OPCML: variants seen among roughly 807,000 people sequenced by gnomAD.
OPCML encodes opioid-binding protein/cell adhesion molecule.
A neutral mutation model predicts 37.8 loss-of-function variants in OPCML; 13 were observed. The ratio of observed to expected loss-of-function variants is 0.34; its 90% confidence interval spans 0.22 to 0.55. OPCML has a LOEUF of 0.55. OPCML is among the 20% of genes least tolerant of loss of function. OPCML has a pLI of 0.91. For missense variants in OPCML, 341 were observed against 435.6 expected (o/e 0.78, Z 1.93); for synonymous variants, 176 against 168.8 (o/e 1.04, Z -0.33).
At chr11:132,860,341 A>G (rs1414402844) in intron 2 of OPCML, 2 of 152,186 alleles carry the variant, frequency 1.3e-5, no homozygotes, top group Non-Finnish European at 2.9e-5. Context: ...GAGTTATACT[A>G]TGTGCCCACT....
At chr11:133,356,494 G>A (rs1944293802) in intron 1 of OPCML, among the ~76,000 whole-genome samples, 1 of 152,184 alleles carries the variant, frequency 6.6e-6, no homozygotes, top group African/African-American at 2.4e-5. Context: ...AGGAGCCAGA[G>A]GGTTGTCAGG....
At chr11:132,953,912 G>C (rs1175710078) in intron 1 of OPCML, among the ~76,000 whole-genome samples, 2 of 152,202 alleles carry the variant, frequency 1.3e-5, no homozygotes, top group Non-Finnish European at 2.9e-5. Context: ...TTGGCATATA[G>C]GTGGTACTCC....
At chr11:133,448,853 C>T (rs1946525129) in intron 1 of OPCML, among the ~76,000 whole-genome samples, 1 of 152,186 alleles carries the variant, frequency 6.6e-6, no homozygotes, top group South Asian at 2.1e-4. Context: ...ATTTTGTATA[C>T]ACAATTCACA....
intron 1 of OPCML, among the ~76,000 whole-genome samples, chr11:133,183,577 A>G (rs1044985896): frequency 1.3e-5 from 2 of 152,138 alleles, no homozygotes; most frequent in Non-Finnish European, 2.9e-5. Flanking sequence ...TCTTCCACTC[A>G]TTTATTAAGG....
intron 1 of OPCML, among the ~76,000 whole-genome samples, chr11:133,388,551 T>C (rs74375509): frequency 0.026 from 3,922 of 152,266 alleles, 162 homozygotes; most frequent in African/African-American, 0.087. Flanking sequence ...GGTGTAACAC[T>C]TCAGCTTAAT....
At chr11:132,704,717 A>G (rs1943963003) in intron 2 of OPCML, among the ~76,000 whole-genome samples, 1 of 152,250 alleles carries the variant, frequency 6.6e-6, no homozygotes, top group Non-Finnish European at 1.5e-5. Flanking sequence ...AAAACAATTC[A>G]TATCATCTAG....
chr11:133,048,306 G>C (rs543963454), intron 1 of OPCML, among the ~76,000 whole-genome samples: 1 of 151,946 alleles, frequency 6.6e-6, no homozygotes, highest in Non-Finnish European at 1.5e-5. Context: ...TAACTCAATC[G>C]ACAAATAGTA....
chr11:133,417,742 A>G (rs1437397289), intron 1 of OPCML, among the ~76,000 whole-genome samples: 1 of 151,022 alleles, frequency 6.6e-6, no homozygotes, highest in Admixed American at 6.6e-5. Context: ...TACCCTTGTT[A>G]CTAGGAAATT....
rs577737010 is a variant in OPCML, at chr11:133,395,702, G to A, written c.61+136562C>T. ...AAAAATGAGTTCATTGTAGGTAGAT[G>A]AATCTGTTTCTGGGTTCTTTATTCT... is the stretch of plus-strand genomic sequence containing the variant. On this transcript the variant is annotated intron_variant, in intron 1 of 7. Transcript: ENST00000524381. 5.3e-5 allele frequency among the ~76,000 whole-genome samples: 8 copies of A among 152,288 alleles called. No homozygotes were observed. The South Asian group carries it at 1.7e-3, about 32-fold the overall frequency.
chr11:132,789,213 C>A (rs922015148), intron 2 of OPCML, among the ~76,000 whole-genome samples: 3 of 152,178 alleles, frequency 2.0e-5, no homozygotes, highest in African/African-American at 7.2e-5. Context: ...CACATAATGT[C>A]TGTGTATGTA....
At chr11:133,257,904 C>T (rs988231180) in intron 1 of OPCML, among the ~76,000 whole-genome samples, 1 of 151,546 alleles carries the variant, frequency 6.6e-6, no homozygotes, top group Admixed American at 6.6e-5. Context: ...CACCTTGGAG[C>T]CAACTTCCAG....
chr11:133,228,630 C>A, intron 1 of OPCML, among the ~76,000 whole-genome samples: 1 of 152,234 alleles, frequency 6.6e-6, no homozygotes. Context: ...TTCTTGCCAC[C>A]TGCCCCCGCT....
At chr11:132,688,566 A>G (rs1943261159) in intron 2 of OPCML, among the ~76,000 whole-genome samples, 1 of 152,204 alleles carries the variant, frequency 6.6e-6, no homozygotes, top group South Asian at 2.1e-4. Context: ...AGTATATTCA[A>G]TGCAGCCTGG....
intron 2 of OPCML, among the ~76,000 whole-genome samples, chr11:132,702,567 T>G (rs181080201): frequency 3.1e-4 from 47 of 152,200 alleles, no homozygotes; most frequent in Non-Finnish European, 5.3e-4. Flanking sequence ...CTATTTGGAG[T>G]TCTTTCATCT....
At chr11:133,458,810 CACATAGATGCACGTGTGTGTGTAT>C (rs1186297640) in intron 1 of OPCML, among the ~76,000 whole-genome samples, 11 of 149,536 alleles carry the variant, frequency 7.4e-5, no homozygotes, top group South Asian at 4.2e-4. Flanking sequence ...TGTGTATATA[CACATAGATGCACGTGTGTGTGTAT>C]ATACACATAG....
At chr11:133,283,954 C>A (rs947108845) in intron 1 of OPCML, among the ~76,000 whole-genome samples, 23 of 152,170 alleles carry the variant, frequency 1.5e-4, no homozygotes, top group African/African-American at 4.6e-4. Flanking sequence ...CTTCCCCCCC[C>A]AGTACCTAAA....
chr11:133,445,999 T>C (rs978026344), intron 1 of OPCML, among the ~76,000 whole-genome samples: 4 of 152,280 alleles, frequency 2.6e-5, no homozygotes, highest in South Asian at 2.1e-4. Context: ...GGGTCAAAAA[T>C]ATCTGTTCCG....
intron 2 of OPCML, among the ~76,000 whole-genome samples, chr11:132,901,044 G>A (rs1944043157): frequency 6.6e-6 from 1 of 152,076 alleles, no homozygotes; most frequent in Non-Finnish European, 1.5e-5. Context: ...GCTGGGCAAG[G>A]TGGTGCACAC....
chr11:132,846,953 C>A (rs1034625469), intron 2 of OPCML, among the ~76,000 whole-genome samples: 1 of 152,158 alleles, frequency 6.6e-6, no homozygotes, highest in Non-Finnish European at 1.5e-5. Flanking sequence ...GAGTCTAATT[C>A]TCCTTCTTGA....
Sources: gnomAD v4.1 joint callset for allele counts (sites outside exome capture counted in the v4.1 genomes callset) on GRCh38, gnomAD v4.1.1 for gene constraint, MANE v1.5 for transcripts, NCBI Gene and HGNC (gene_info 2026-07-23, HGNC 2026-07-21) for gene names.